APAF1: variants seen among roughly 807,000 people sequenced by gnomAD.
The protein encoded by APAF1 is apoptotic peptidase activating factor 1, also known as apoptotic protease-activating factor 1.
A neutral mutation model predicts 152.4 loss-of-function variants in APAF1; 91 were observed. The ratio of observed to expected loss-of-function variants is 0.60; its 90% CI spans 0.50 to 0.71. APAF1 has a LOEUF of 0.71. Ranked by LOEUF, APAF1 falls within the 30% of genes least tolerant of loss-of-function variation. APAF1 has a pLI of 0.00. For missense variants in APAF1, 1,283 were observed against 1,472.0 expected, an observed-to-expected ratio of 0.87 and a Z score of 2.10; for synonymous variants, 484 against 494.1, an observed-to-expected ratio of 0.98 and a Z score of 0.27.
intron 17 of APAF1, among the ~76,000 whole-genome samples, chr12:98,702,307 C>T (rs1191006969): frequency 6.6e-6 from 1 of 152,004 alleles, no homozygotes; most frequent in African/African-American, 2.4e-5. Flanking sequence ...CCTCGTGATC[C>T]ACCTGCCTTG....
At chr12:98,683,411 C>CAA in intron 15 of APAF1, 137 bp downstream of exon 15, 13 of 738,406 alleles carry the variant, frequency 1.8e-5, no homozygotes, top group East Asian at 3.1e-5. Context: ...TTAGCTGAAG[C>CAA]AAAAAAAAAA....
chr12:98,688,638 ATTT>A (rs34602173), intron 16 of APAF1, among the ~76,000 whole-genome samples: 29 of 119,204 alleles, frequency 2.4e-4, no homozygotes, highest in Admixed American at 3.4e-4. Context: ...ACCTGGCGAA[ATTT>A]TTTTTTTTTT....
chr12:98,724,287 T>C (rs941828826), intron 24 of APAF1, among the ~76,000 whole-genome samples: 3 of 152,180 alleles, frequency 2.0e-5, no homozygotes, highest in African/African-American at 7.2e-5. Flanking sequence ...AGTTATCTTC[T>C]CCTCTTTGTC....
At chr12:98,665,883 G>A in intron 8 of APAF1, 92 bp downstream of exon 8, 1 of 1,172,410 alleles carries the variant, frequency 8.5e-7, no homozygotes, top group Non-Finnish European at 1.3e-6. Context: ...ACCTTGGAAG[G>A]ATAAGACCCA....
At chr12:98,691,206 G>GA (rs368564782) in intron 16 of APAF1, among the ~76,000 whole-genome samples, 1 of 150,386 alleles carries the variant, frequency 6.6e-6, no homozygotes, top group Non-Finnish European at 1.5e-5. Flanking sequence ...ACTCCGTCTT[G>GA]AAAAAAAAAG....
Position 98,723,738 on chromosome 12 carries a change from T to C in APAF1, c.3304T>C (p.Ser1102Pro). The C allele has an allele frequency of 6.2e-7, 1 of 1,613,882 alleles. No individual in the cohort carries two copies. Among genetic ancestry groups the C allele is most frequent in the Non-Finnish European group, 8.5e-7 (1 of 1,179,882 alleles). ...TTCTCACGATGCTACCAAGTTTTCA[T>C]CTACCTCTGCTGACAAGACTGCAAA... ...DISHDATKFS[S>P]TSADKTAKIW... The change falls in exon 24 of 27, where the codon TCT becomes CCT. Residue 1102 changes from serine to proline, a missense_variant. Transcript: ENST00000551964.
intron 24 of APAF1, among the ~76,000 whole-genome samples, chr12:98,724,435 T>G (rs1414668952): frequency 1.3e-5 from 2 of 152,196 alleles, no homozygotes; most frequent in Admixed American, 6.5e-5. Context: ...ACCTAACGGT[T>G]TATAGGCCAA....
intron 22 of APAF1, among the ~76,000 whole-genome samples, chr12:98,718,688 C>T (rs1354318600): frequency 2.6e-5 from 4 of 152,078 alleles, no homozygotes; most frequent in Admixed American, 6.5e-5. Flanking sequence ...TTAATCCCAG[C>T]ACTTTGGGAG....
At position 98,686,849 on chromosome 12, in the gene APAF1, T is replaced by C; in HGVS notation, c.2280T>C (p.Ser760=). ...CACCAGATGATAAGCTTTTGGCTAGTTGTTCAGCTGATGGAACCTTAAAGG... is the reference window on the plus strand; with the variant it reads ...CACCAGATGATAAGCTTTTGGCTAGCTGTTCAGCTGATGGAACCTTAAAGG... ...RFSPDDKLLA[S]CSADGTLKLW... The change falls in exon 16 of 27, where the codon AGT becomes AGC. Residue 760 remains serine (S), a synonymous_variant. Transcript: ENST00000551964. 6.2e-7 allele frequency: 1 copy of C among 1,614,078 alleles called. No individual in the cohort carries two copies. Among genetic ancestry groups the C allele is most frequent in the Non-Finnish European group, 8.5e-7 (1 of 1,179,966 alleles).
chr12:98,719,051 A>G (rs575483878), intron 22 of APAF1, among the ~76,000 whole-genome samples: 2 of 152,180 alleles, frequency 1.3e-5, no homozygotes, highest in East Asian at 1.9e-4. Context: ...ATTGGATTCT[A>G]TTCCCTGTGG....
Position 98,732,940 on chromosome 12 carries a change from C to T in APAF1, c.*374C>T, listed in dbSNP as rs1355032916. ...TCTGTATTTATTACTGTTATGCAGGCTGTGCCTCAGGGTAGCAGTGGCCTG... is the reference window on the plus strand; with the variant it reads ...TCTGTATTTATTACTGTTATGCAGGTTGTGCCTCAGGGTAGCAGTGGCCTG... On this transcript the variant is annotated 3_prime_UTR_variant, in exon 27 of 27. Transcript: ENST00000551964. 8.1e-6 allele frequency: 2 copies of T among 246,976 alleles called. No homozygotes were observed. Among genetic ancestry groups the T allele is most frequent in the African/African-American group, 4.7e-5 (2 of 42,794 alleles). The allele number at this position is 246,976 out of a possible 1,614,324, so 15.3% of individuals were successfully genotyped here. A position where few individuals can be genotyped will look rare whatever the true frequency, so the allele number is the denominator to read the frequency against.
chr12:98,659,642 C>T (rs980984180), intron 5 of APAF1, among the ~76,000 whole-genome samples: 3 of 150,656 alleles, frequency 2.0e-5, no homozygotes. Context: ...ATCCCAGCTG[C>T]TCAGGAGGCT....
Position 98,723,646 on chromosome 12 carries a change from ATAT to A in APAF1, c.3218_3220del (p.Ile1073del). 1 of 1,585,184 alleles carries A rather than the reference ATAT, an allele frequency of 6.3e-7. No individual in the cohort carries two copies. The highest frequency in any genetic ancestry group is 1.7e-5 in the Admixed American group (1 of 58,738). On this transcript the variant is annotated inframe_deletion, in exon 24 of 27. Transcript: ENST00000551964. ...TTTTTTTTTTTTTTTAAGGTATGGA[ATAT>A]TATTACTGGAAATAAAGAAAAAGAC...
intron 15 of APAF1, among the ~76,000 whole-genome samples, chr12:98,684,690 T>A (rs901265403): frequency 6.6e-6 from 1 of 152,128 alleles, no homozygotes; most frequent in Admixed American, 6.6e-5. Context: ...CAGTTATGGT[T>A]CACTTTTACT....
chr12:98,647,578 G>A (rs1160153776), intron 1 of APAF1, among the ~76,000 whole-genome samples: 1 of 151,696 alleles, frequency 6.6e-6, no homozygotes, highest in Non-Finnish European at 1.5e-5. Flanking sequence ...CACCATCTTG[G>A]CCAGGCTGGT....
At chr12:98,725,634 A>C in intron 25 of APAF1, 94 bp downstream of exon 25, 1 of 1,564,408 alleles carries the variant, frequency 6.4e-7, no homozygotes, top group Middle Eastern at 1.8e-4. Context: ...CCAGGGAAGC[A>C]TAGTCCTGAA....
chr12:98,718,811 A>G (rs933417293), intron 22 of APAF1, among the ~76,000 whole-genome samples: 4 of 151,876 alleles, frequency 2.6e-5, no homozygotes, highest in Non-Finnish European at 5.9e-5. Context: ...GTGCATGCCT[A>G]TAATCCCAGC....
Position 98,649,472 on chromosome 12 carries a change from T to G in APAF1, c.329-15T>G, listed in dbSNP as rs750311065. 17 of 1,613,486 alleles carry G rather than the reference T, an allele frequency of 1.1e-5. No individual in the cohort carries two copies. The highest frequency in any genetic ancestry group is 1.4e-5 in the Non-Finnish European group (17 of 1,179,340). ...AAGTTCTATTCATTCATGCTTGTTT[T>G]GTTTTGGATTTTAGTAAGGACAGTC... On this transcript the variant is annotated splice_polypyrimidine_tract_variant and intron_variant, in intron 3 of 26. Coordinates refer to ENST00000551964, the MANE Select transcript of APAF1 (RefSeq NM_181861.2).
At chr12:98,655,332 A>G (rs2097655482) in intron 4 of APAF1, among the ~76,000 whole-genome samples, 1 of 150,848 alleles carries the variant, frequency 6.6e-6, no homozygotes, top group South Asian at 2.1e-4. Flanking sequence ...CCCGTTCTCA[A>G]TGAGCTGTTG....
Sources: gnomAD v4.1 joint callset for allele counts (sites outside exome capture counted in the v4.1 genomes callset) on GRCh38, gnomAD v4.1.1 for gene constraint, MANE v1.5 for transcripts, NCBI Gene and HGNC (gene_info 2026-07-23, HGNC 2026-07-21) for gene names.